The following PRKN variants were observed in gnomAD, a reference collection of about 807,000 sequenced individuals.
PRKN encodes E3 ubiquitin-protein ligase parkin.
In PRKN, 56 loss-of-function variants were observed where a neutral mutation model predicts 59.5. That is an observed-to-expected ratio of 0.94 (90% confidence interval 0.76 to 1.18). The LOEUF is 1.18. Among genes scored for constraint, PRKN ranks in the 50% most tolerant of loss-of-function variants. PRKN has a pLI of 0.00. For synonymous variants in PRKN, 250 were observed against 222.1 expected (o/e 1.13, Z -1.12); for missense variants, 657 against 596.4 (o/e 1.10, Z -1.06).
intron 1 of PRKN, among the ~76,000 whole-genome samples, chr6:162,453,312 C>T (rs1583597859): frequency 6.6e-6 from 1 of 152,302 alleles, no homozygotes; most frequent in East Asian, 1.9e-4. Flanking sequence ...GTAGAATTCC[C>T]TCCTCTCTCT....
intron 1 of PRKN, among the ~76,000 whole-genome samples, chr6:162,679,346 C>T (rs1293623182): frequency 5.9e-5 from 9 of 151,972 alleles, no homozygotes; most frequent in South Asian, 4.2e-4. Flanking sequence ...TCAAGTGATC[C>T]GCCCACCTCG....
At chr6:162,497,415 T>C (rs1004520251) in intron 1 of PRKN, among the ~76,000 whole-genome samples, 1 of 152,224 alleles carries the variant, frequency 6.6e-6, no homozygotes, top group African/African-American at 2.4e-5. Flanking sequence ...AACATAATTC[T>C]CCAAATTGTG....
At chr6:161,880,784 C>T (rs963362642) in intron 6 of PRKN, among the ~76,000 whole-genome samples, 2 of 152,070 alleles carry the variant, frequency 1.3e-5, no homozygotes, top group South Asian at 2.1e-4. Flanking sequence ...GGTGGTGACC[C>T]GGGAAAAGGC....
chr6:161,874,591 T>C (rs1342756274), intron 6 of PRKN, among the ~76,000 whole-genome samples: 1 of 107,714 alleles, frequency 9.3e-6, no homozygotes, highest in Non-Finnish European at 1.6e-5. Flanking sequence ...AAATATATAT[T>C]GTATGTAAAA....
At chr6:162,134,832 T>C (rs1413355079) in intron 4 of PRKN, among the ~76,000 whole-genome samples, 1 of 152,168 alleles carries the variant, frequency 6.6e-6, no homozygotes, top group Non-Finnish European at 1.5e-5. Context: ...ATAATGACCC[T>C]ATGCTAGCAC....
chr6:162,528,897 A>T (rs1778396578), intron 1 of PRKN, among the ~76,000 whole-genome samples: 3 of 152,082 alleles, frequency 2.0e-5, no homozygotes, highest in African/African-American at 7.2e-5. Context: ...TTTTTTTTGG[A>T]GACGGAGTCT....
chr6:162,184,906 T>C (rs1783959280), intron 4 of PRKN, among the ~76,000 whole-genome samples: 1 of 152,124 alleles, frequency 6.6e-6, no homozygotes, highest in African/African-American at 2.4e-5. Flanking sequence ...CGAGTTTCTG[T>C]CTCCTAAATG....
At chr6:161,819,633 T>C (rs1009284895) in intron 6 of PRKN, among the ~76,000 whole-genome samples, 2 of 152,214 alleles carry the variant, frequency 1.3e-5, no homozygotes, top group African/African-American at 4.8e-5. Context: ...TAAAAATACA[T>C]GCAGAGCTTC....
intron 3 of PRKN, among the ~76,000 whole-genome samples, chr6:162,235,836 G>A (rs1441403646): frequency 6.7e-6 from 1 of 148,312 alleles, no homozygotes; most frequent in East Asian, 2.0e-4. Flanking sequence ...GAGAGAGGGA[G>A]GGAGGAAAGG....
chr6:161,849,301 C>A (rs1034667790), intron 6 of PRKN, among the ~76,000 whole-genome samples: 1 of 152,142 alleles, frequency 6.6e-6, no homozygotes, highest in Non-Finnish European at 1.5e-5. Context: ...GCCAACATTT[C>A]AACTGTTTTA....
At chr6:162,152,607 AG>A (rs1225080204) in intron 4 of PRKN, among the ~76,000 whole-genome samples, 2 of 152,222 alleles carry the variant, frequency 1.3e-5, no homozygotes, top group Non-Finnish European at 2.9e-5. Context: ...CTTGGGAGGA[AG>A]GAAGACTTGG....
intron 2 of PRKN, among the ~76,000 whole-genome samples, chr6:162,295,116 A>T (rs1404033664): frequency 1.3e-5 from 2 of 152,192 alleles, no homozygotes; most frequent in African/African-American, 4.8e-5. Context: ...GAGAAGCGGC[A>T]TGCACGCAGC....
Position 162,262,782 on chromosome 6 carries a change from TAAA to T in PRKN, c.172-20_172-18del, listed in dbSNP as rs751742289. 34,704 of 1,254,532 alleles carry T rather than the reference TAAA, an allele frequency of 0.028. No homozygotes were observed. The highest frequency in any genetic ancestry group is 0.038 in the East Asian group (1,246 of 33,014). 77.7% of individuals were successfully genotyped at this position (1,254,532 alleles called of 1,614,324 possible). A position where few individuals can be genotyped will look rare whatever the true frequency, so the allele number is the denominator to read the frequency against. ...GTCACAATTCTGTTTGGGAGCAAGG[TAAA>T]AAAAAAAAAAAAAAAAAAGGAAATG... On this transcript the variant is annotated intron_variant, in intron 2 of 11. Transcript: ENST00000366898.
At chr6:161,854,638 A>G (rs994878331) in intron 6 of PRKN, among the ~76,000 whole-genome samples, 2 of 152,156 alleles carry the variant, frequency 1.3e-5, no homozygotes, top group Non-Finnish European at 2.9e-5. Flanking sequence ...TTAAGAGAGT[A>G]AAGAATAAAA....
chr6:161,371,422 C>T lies in PRKN; in HGVS notation c.1168-11217G>A, dbSNP rs868048737. 3.9e-5 allele frequency among the ~76,000 whole-genome samples: 6 copies of T among 152,144 alleles called. No homozygotes were observed. In the South Asian group the frequency reaches 1.2e-3, roughly 32 times the overall value. ...TCAGGTGATCTGCCCGCCTCCGTCTCCCAAAGTGCTTGGATTACAGGTGTG... is the reference window on the plus strand; with the variant it reads ...TCAGGTGATCTGCCCGCCTCCGTCTTCCAAAGTGCTTGGATTACAGGTGTG... On this transcript the variant is annotated intron_variant, in intron 10 of 11. Coordinates refer to ENST00000366898, the MANE Select transcript of PRKN (RefSeq NM_004562.3). This position sits in a 1 kb window ranked among gnomAD's most constrained non-coding sequence, Gnocchi z 5.5.
chr6:161,685,643 T>A (rs1785524812), intron 7 of PRKN, among the ~76,000 whole-genome samples: 2 of 152,154 alleles, frequency 1.3e-5, no homozygotes, highest in South Asian at 4.1e-4. Flanking sequence ...TCCTAACAGG[T>A]CACAGCCAAG....
Position 161,409,855 on chromosome 6 carries a change from T to C in PRKN, c.1084-22978A>G, listed in dbSNP as rs1174556360. 2.0e-5 allele frequency among the ~76,000 whole-genome samples: 3 copies of C among 152,296 alleles called. No homozygotes were observed. The highest frequency in any genetic ancestry group is 4.2e-4 in the South Asian group (2 of 4,818). Reference sequence around the variant, plus strand: ...ATTCCTCAGATCAATAGAACTGTGATGTATCTATATAAATCTGAGTAGCAG... The same window carrying C: ...ATTCCTCAGATCAATAGAACTGTGACGTATCTATATAAATCTGAGTAGCAG... On this transcript the variant is annotated intron_variant, in intron 9 of 11. Transcript: ENST00000366898. This position sits in a 1 kb window ranked among gnomAD's most constrained non-coding sequence, Gnocchi z 4.6.
intron 5 of PRKN, among the ~76,000 whole-genome samples, chr6:161,973,921 A>G (rs1213328158): frequency 6.6e-6 from 1 of 152,182 alleles, no homozygotes; most frequent in East Asian, 1.9e-4. Context: ...GAATTGAGAG[A>G]GCCCTACTGT....
chr6:162,608,717 A>C (rs1358523654), intron 1 of PRKN, among the ~76,000 whole-genome samples: 1 of 152,214 alleles, frequency 6.6e-6, no homozygotes, highest in Admixed American at 6.5e-5. Context: ...GAAACCTCAG[A>C]TGTGAGCCAG....
Sources: gnomAD v4.1 joint callset for allele counts (sites outside exome capture counted in the v4.1 genomes callset) on GRCh38, gnomAD v4.1.1 for gene constraint, Gnocchi (gnomAD v3.1) non-coding constraint, MANE v1.5 for transcripts, NCBI Gene and HGNC (gene_info 2026-07-23, HGNC 2026-07-21) for gene names.